Variants in CACNA2D3 observed in about 807,000 individuals in gnomAD.
CACNA2D3 encodes the protein voltage-dependent calcium channel subunit alpha-2/delta-3.
CACNA2D3 carries 60 observed loss-of-function variants against 160.6 expected under a neutral mutation model. The ratio of observed to expected loss-of-function variants is 0.37; its 90% CI spans 0.30 to 0.46. The LOEUF (loss-of-function observed/expected upper bound fraction) is 0.46, where lower values mean the gene tolerates loss of function less well. Among genes scored for constraint, CACNA2D3 ranks in the 20% least tolerant of loss-of-function variants. The pLI, the probability that CACNA2D3 is intolerant of heterozygous loss-of-function variation, is 1.00. For missense variants in CACNA2D3, 1,205 were observed against 1,365.0 expected (o/e 0.88, Z 1.85); for synonymous variants, 558 against 492.9 (o/e 1.13, Z -1.75).
intron 3 of CACNA2D3, among the ~76,000 whole-genome samples, chr3:54,347,032 A>G (rs1002959897): frequency 7.2e-5 from 11 of 152,248 alleles, no homozygotes; most frequent in African/African-American, 2.7e-4. Context: ...CTGACTGTGA[A>G]GGTTACAAAT....
intron 35 of CACNA2D3, among the ~76,000 whole-genome samples, chr3:55,064,375 T>C (rs936778938): frequency 3.9e-5 from 6 of 152,108 alleles, no homozygotes; most frequent in African/African-American, 1.4e-4. Flanking sequence ...GACCCTCTGC[T>C]TGCCTGGCCC....
intron 11 of CACNA2D3, among the ~76,000 whole-genome samples, chr3:54,680,869 G>T (rs904231343): frequency 6.6e-6 from 1 of 152,170 alleles, no homozygotes; most frequent in African/African-American, 2.4e-5. Flanking sequence ...CTGATCCCCA[G>T]TTATTCTCCA....
At chr3:54,927,085 T>G (rs762528926) in intron 27 of CACNA2D3, among the ~76,000 whole-genome samples, 1 of 152,234 alleles carries the variant, frequency 6.6e-6, no homozygotes, top group Non-Finnish European at 1.5e-5. Flanking sequence ...AGTTATCTAC[T>G]CAAAGTGGAA....
intron 3 of CACNA2D3, among the ~76,000 whole-genome samples, chr3:54,351,875 G>A (rs746771970): frequency 6.6e-6 from 1 of 152,114 alleles, no homozygotes; most frequent in East Asian, 1.9e-4. Flanking sequence ...CAAAGATCTC[G>A]CAGAGTGGTC....
intron 2 of CACNA2D3, among the ~76,000 whole-genome samples, chr3:54,166,685 T>C (rs1167177048): frequency 6.6e-6 from 1 of 152,210 alleles, no homozygotes; most frequent in Admixed American, 6.5e-5. Context: ...TGGTGCTTCA[T>C]TTATAGGAGA....
chr3:55,004,872 C>T, intron 32 of CACNA2D3, 34 bp downstream of exon 32: 3 of 1,417,802 alleles, frequency 2.1e-6, no homozygotes, highest in Non-Finnish European at 3.0e-6. Context: ...AAAACAGCCA[C>T]ACATTTCTGT....
chr3:54,273,158 G>A (rs1230772837), intron 2 of CACNA2D3: 1 of 152,270 alleles, frequency 6.6e-6, no homozygotes, highest in East Asian at 1.9e-4. Context: ...CTGGCACAAG[G>A]ATATCATTTG....
At chr3:54,992,250 C>T (rs1166393377) in intron 31 of CACNA2D3, among the ~76,000 whole-genome samples, 7 of 152,280 alleles carry the variant, frequency 4.6e-5, no homozygotes, top group African/African-American at 1.2e-4. Flanking sequence ...CTAGCTACTA[C>T]GCTCTTAGGA....
intron 35 of CACNA2D3, among the ~76,000 whole-genome samples, chr3:55,051,439 A>C (rs564298087): frequency 6.6e-6 from 1 of 152,264 alleles, no homozygotes; most frequent in African/African-American, 2.4e-5. Flanking sequence ...TCAGGGACCC[A>C]CTTGAGGAGG....
At chr3:54,214,450 A>G (rs1237227709) in intron 2 of CACNA2D3, among the ~76,000 whole-genome samples, 1 of 152,148 alleles carries the variant, frequency 6.6e-6, no homozygotes, top group Non-Finnish European at 1.5e-5. Flanking sequence ...CTGGTCCCTA[A>G]GGGACAAGAT....
At chr3:54,997,427 C>T (rs111271459) in intron 31 of CACNA2D3, among the ~76,000 whole-genome samples, 1 of 152,092 alleles carries the variant, frequency 6.6e-6, no homozygotes, top group African/African-American at 2.4e-5. Flanking sequence ...TTTGGCCCGG[C>T]TCAGTGACTG....
At chr3:54,458,544 A>T (rs1700440442) in intron 4 of CACNA2D3, among the ~76,000 whole-genome samples, 1 of 151,478 alleles carries the variant, frequency 6.6e-6, no homozygotes, top group East Asian at 2.0e-4. Flanking sequence ...CTGATAGTCT[A>T]GTAAGGGTTC....
In CACNA2D3 at chr3:54,887,990, T is replaced by G. The variant is rs759007454; in HGVS notation, c.2088T>G (p.Phe696Leu). Residue 696 changes from phenylalanine (F) to leucine (L), a missense_variant, in exon 24 of 38, where the codon TTT (phenylalanine) becomes TTG (leucine). Physicochemically the swap from Phe to Leu is conservative, Grantham distance 22. This residue lies in a region of CACNA2D3 where 911 missense variants were observed against 1,002.2 expected (regional missense o/e 0.91). Coordinates refer to ENST00000474759, the MANE Select transcript of CACNA2D3 (RefSeq NM_018398.3). ...CDKELIQEVLFDAVVSAPIEA... is the reference protein window; with the variant it reads ...CDKELIQEVLLDAVVSAPIEA... ...AAGAATTGATCCAAGAAGTCCTTTT[T>G]GACGCGGTGGTGAGTGCCCCCATTG... is the stretch of plus-strand genomic sequence containing the variant. 2.5e-6 allele frequency: 4 copies of G among 1,613,970 alleles called. No individual in the cohort carries two copies. In the South Asian group the frequency reaches 4.4e-5, roughly 18 times the overall value.
At chr3:54,429,329 G>A (rs1287427464) in intron 4 of CACNA2D3, among the ~76,000 whole-genome samples, 1 of 152,144 alleles carries the variant, frequency 6.6e-6, no homozygotes, top group Non-Finnish European at 1.5e-5. Flanking sequence ...AAGTTCTCTT[G>A]TAAATATTAT....
At chr3:54,314,869 C>T (rs555464364) in intron 2 of CACNA2D3, among the ~76,000 whole-genome samples, 1 of 152,346 alleles carries the variant, frequency 6.6e-6, no homozygotes, top group African/African-American at 2.4e-5. Context: ...TGGCTCAAAC[C>T]TTTCACCTGG....
intron 13 of CACNA2D3, among the ~76,000 whole-genome samples, chr3:54,809,172 A>C (rs1041063221): frequency 6.6e-6 from 1 of 151,018 alleles, no homozygotes; most frequent in Non-Finnish European, 1.5e-5. Flanking sequence ...TCCTTCTTTC[A>C]TTGCTTCTTC....
chr3:54,727,909 TA>T (rs1296336008), intron 11 of CACNA2D3, among the ~76,000 whole-genome samples: 1 of 152,126 alleles, frequency 6.6e-6, no homozygotes, highest in African/African-American at 2.4e-5. Flanking sequence ...AAGTATATAT[TA>T]AAAAAAGATA....
At chr3:54,231,918 G>A (rs1031829502) in intron 2 of CACNA2D3, among the ~76,000 whole-genome samples, 19 of 152,200 alleles carry the variant, frequency 1.2e-4, no homozygotes, top group African/African-American at 4.3e-4. Context: ...GCAGGGCCAA[G>A]GCTATTGCAC....
intron 2 of CACNA2D3, among the ~76,000 whole-genome samples, chr3:54,291,233 G>C (rs1413191119): frequency 6.6e-6 from 1 of 151,980 alleles, no homozygotes; most frequent in African/African-American, 2.4e-5. Context: ...TATATTACTT[G>C]TTTAATAAAG....
Sources: allele counts gnomAD v4.1 joint callset (sites outside exome capture counted in the v4.1 genomes callset), GRCh38; gene constraint gnomAD v4.1.1; regional missense constraint gnomAD v4.1.1; transcripts MANE v1.5; gene names NCBI Gene and HGNC (gene_info 2026-07-23, HGNC 2026-07-21).